Variants in ESF1 observed in about 807,000 individuals in gnomAD.
ESF1 encodes the protein ESF1 homolog.
A neutral mutation model predicts 92.0 loss-of-function variants in ESF1; 58 were observed. The ratio of observed to expected loss-of-function variants is 0.63; its 90% confidence interval spans 0.51 to 0.78. The LOEUF (loss-of-function observed/expected upper bound fraction) is 0.78. Ranked by LOEUF, ESF1 falls within the 30% of genes least tolerant of loss-of-function variation. The pLI is 0.00. For synonymous variants in ESF1, 321 were observed against 313.7 expected (o/e 1.02, Z -0.24); for missense variants, 922 against 989.1 (o/e 0.93, Z 0.91).
At chr20:13,753,753 A>G (rs1352423334) in intron 9 of ESF1, among the ~76,000 whole-genome samples, 1 of 152,082 alleles carries the variant, frequency 6.6e-6, no homozygotes, top group East Asian at 1.9e-4. Context: ...TCCCACCACA[A>G]TCTTACTTTC....
chr20:13,766,719 T>C, intron 8 of ESF1, 58 bp downstream of exon 8: 1 of 1,568,044 alleles, frequency 6.4e-7, no homozygotes. Flanking sequence ...TGGCTTTCCC[T>C]GTAAAGCTAC....
intron 11 of ESF1, among the ~76,000 whole-genome samples, chr20:13,721,136 A>G (rs188148351): frequency 1.7e-3 from 259 of 152,336 alleles, no homozygotes; most frequent in Non-Finnish European, 2.8e-3. Flanking sequence ...AAAAAAAAAG[A>G]AAAGAAATGA....
At chr20:13,724,046 C>T (rs1454766250) in intron 11 of ESF1, among the ~76,000 whole-genome samples, 1 of 152,180 alleles carries the variant, frequency 6.6e-6, no homozygotes, top group Non-Finnish European at 1.5e-5. Context: ...GTAATCCCAG[C>T]ACTTCTGGGA....
intron 9 of ESF1, among the ~76,000 whole-genome samples, chr20:13,748,574 G>A (rs201173303): frequency 0.14 from 4,014 of 28,414 alleles, 195 homozygotes; most frequent in African/African-American, 0.36. Context: ...ATGTGTGTGT[G>A]TATATATATA....
At chr20:13,771,586 C>T in intron 5 of ESF1, 103 bp from the exon 6 acceptor site, 1 of 892,642 alleles carries the variant, frequency 1.1e-6, no homozygotes, top group South Asian at 1.7e-5. Flanking sequence ...TACAAGCTGG[C>T]CTTCATACCA....
chr20:13,776,314 C>T (rs1185058841), intron 2 of ESF1, 44 bp from the exon 3 acceptor site: 2 of 1,507,012 alleles, frequency 1.3e-6, no homozygotes, highest in Non-Finnish European at 1.8e-6. Context: ...AAGATATATG[C>T]TGAATTAAAC....
At chr20:13,780,964 A>G (rs994500543) in intron 2 of ESF1, among the ~76,000 whole-genome samples, 5 of 152,180 alleles carry the variant, frequency 3.3e-5, no homozygotes, top group Non-Finnish European at 7.3e-5. Context: ...AACATGCCCA[A>G]TCACATCTTT....
chr20:13,765,704 C>T (rs184801497), intron 8 of ESF1, among the ~76,000 whole-genome samples: 1 of 152,296 alleles, frequency 6.6e-6, no homozygotes, highest in African/African-American at 2.4e-5. Flanking sequence ...TAATCATCTG[C>T]AGAAGCCAGG....
At chr20:13,733,611 G>T (rs1479977947) in intron 10 of ESF1, 110 bp downstream of exon 10, 3 of 1,143,230 alleles carry the variant, frequency 2.6e-6, no homozygotes, top group African/African-American at 1.5e-5. Flanking sequence ...TGATAACAAG[G>T]CCTACTTCAG....
At chr20:13,758,754 A>G (rs1979016623) in intron 9 of ESF1, among the ~76,000 whole-genome samples, 2 of 152,226 alleles carry the variant, frequency 1.3e-5, no homozygotes, top group Admixed American at 6.5e-5. Context: ...ATACACATAT[A>G]TAATATAAAC....
intron 9 of ESF1, among the ~76,000 whole-genome samples, chr20:13,752,274 C>T (rs1978673388): frequency 6.6e-6 from 1 of 152,180 alleles, no homozygotes; most frequent in Admixed American, 6.5e-5. Flanking sequence ...GGAAGGAGCT[C>T]ACGCTTAGGT....
Position 13,742,224 on chromosome 20 carries a change from C to T in ESF1, c.1829-8382G>A, listed in dbSNP as rs8120250. ...TCTACTAAAAATACAAAAAATTAGC[C>T]GGGTGTGGTGGTGGACGCCTGTAAT... On this transcript the variant is annotated intron_variant, in intron 9 of 13. Coordinates refer to ENST00000617257, the MANE Select transcript of ESF1 (RefSeq NM_001276380.2). Among the ~76,000 whole-genome samples the T allele has an allele frequency of 3.2e-3, 488 of 152,044 alleles. 5 individuals carry two copies. The highest frequency in any genetic ancestry group is 0.011 in the African/African-American group (464 of 41,472).
chr20:13,748,008 T>C (rs1374363228), intron 9 of ESF1, among the ~76,000 whole-genome samples: 3 of 152,180 alleles, frequency 2.0e-5, no homozygotes, highest in African/African-American at 7.2e-5. Context: ...AAAAAGGCAA[T>C]GTGTTGTGCA....
intron 9 of ESF1, among the ~76,000 whole-genome samples, chr20:13,753,099 T>A (rs942251024): frequency 5.9e-5 from 9 of 152,094 alleles, no homozygotes; most frequent in South Asian, 2.1e-4. Flanking sequence ...TCAAAACTAA[T>A]CTCAAAATCC....
Position 13,717,514 on chromosome 20 carries a change from C to G in ESF1, c.2116G>C (p.Ala706Pro). 1 of 1,613,168 alleles carries G rather than the reference C, an allele frequency of 6.2e-7. No individual in the cohort carries two copies. Among genetic ancestry groups the G allele is most frequent in the Non-Finnish European group, 8.5e-7 (1 of 1,179,900 alleles). ...TCCATCATAAGCAAAGCCATTTCAG[C>G]CTGTAGAGAGCAAAAAAAAGTTCAA... ...EEEIEIERQK[A>P]EMALLMMDED... Residue 706 changes from alanine (A) to proline (P), a missense_variant and splice_region_variant, in exon 13 of 14, where the codon GCT becomes CCT. Ala to Pro is a conservative substitution (Grantham distance 27, BLOSUM62 -1). Coordinates refer to ENST00000617257, the MANE Select transcript of ESF1 (RefSeq NM_001276380.2).
In ESF1 at chr20:13,780,318, CTATGT is replaced by C. The variant is rs556635537; in HGVS notation, c.637+2181_637+2185del. On this transcript the variant is annotated intron_variant, in intron 2 of 13. Coordinates refer to ENST00000617257, the MANE Select transcript of ESF1 (RefSeq NM_001276380.2). Reference sequence around the variant, plus strand: ...AAAATCAATCTAAAGGATTATATAGCTATGTTATATTAATTCAGTGCCCCAAATGA... The same window carrying C: ...AAAATCAATCTAAAGGATTATATAGCTATATTAATTCAGTGCCCCAAATGA... Among the ~76,000 whole-genome samples the C allele has an allele frequency of 1.7e-3, 262 of 152,298 alleles. 2 individuals are homozygous for C. Among genetic ancestry groups the C allele is most frequent in the Admixed American group, 2.9e-3 (45 of 15,300 alleles).
At chr20:13,769,316 A>C (rs541191499) in intron 7 of ESF1, among the ~76,000 whole-genome samples, 1 of 152,250 alleles carries the variant, frequency 6.6e-6, no homozygotes, top group East Asian at 1.9e-4. Flanking sequence ...AAGACAGAAG[A>C]GTGTATAGGA....
intron 9 of ESF1, 37 bp from the exon 10 acceptor site, chr20:13,733,879 T>C: frequency 1.3e-6 from 2 of 1,568,230 alleles, no homozygotes; most frequent in Non-Finnish European, 1.7e-6. Context: ...TTAAAATGTC[T>C]TATTGTCTGG....
intron 9 of ESF1, among the ~76,000 whole-genome samples, chr20:13,739,931 A>G (rs972282415): frequency 1.3e-5 from 2 of 152,176 alleles, no homozygotes; most frequent in Non-Finnish European, 2.9e-5. Context: ...CAAGATGCTT[A>G]AGGGTGCTCT....
Sources: allele counts gnomAD v4.1 joint callset (sites outside exome capture counted in the v4.1 genomes callset), GRCh38; gene constraint gnomAD v4.1.1; transcripts MANE v1.5; gene names NCBI Gene and HGNC (gene_info 2026-07-23, HGNC 2026-07-21).